LINGO2: variants seen among roughly 807,000 people sequenced by gnomAD.
LINGO2 encodes leucine-rich repeat and immunoglobulin-like domain-containing nogo receptor-interacting protein 2.
Under a neutral mutation model 30.6 loss-of-function variants are expected in LINGO2, and 14 were observed. The ratio of observed to expected loss-of-function variants is 0.46; its 90% confidence interval spans 0.30 to 0.72. The LOEUF (loss-of-function observed/expected upper bound fraction) is 0.72. Among genes scored for constraint, LINGO2 ranks in the 30% least tolerant of loss-of-function variants. The probability of loss-of-function intolerance (pLI) is 0.07; values close to 1 mark genes in which losing one functional copy is unlikely to be tolerated. For synonymous variants in LINGO2, 317 were observed against 288.5 expected (o/e 1.10, Z -1.00); for missense variants, 729 against 751.7 (o/e 0.97, Z 0.35).
At chr9:28,198,601 G>C (rs1363782429) in intron 4 of LINGO2, among the ~76,000 whole-genome samples, 1 of 152,022 alleles carries the variant, frequency 6.6e-6, no homozygotes, top group East Asian at 1.9e-4. Flanking sequence ...AGTGTCTTGA[G>C]GAACTTCCAG....
chr9:28,648,718 T>G (rs940496279), intron 1 of LINGO2, among the ~76,000 whole-genome samples: 1 of 152,120 alleles, frequency 6.6e-6, no homozygotes, highest in Admixed American at 6.6e-5. Context: ...CTTAGTCTAA[T>G]GCTATCTACT....
the LINGO2 span, among the ~76,000 whole-genome samples, chr9:28,747,196 A>T: frequency 6.6e-6 from 1 of 152,028 alleles, no homozygotes; most frequent in Non-Finnish European, 1.5e-5. Context: ...GAAGAACAGC[A>T]GAACAGCACT....
the LINGO2 span, among the ~76,000 whole-genome samples, chr9:29,165,273 T>A: frequency 1.3e-5 from 2 of 152,124 alleles, no homozygotes; most frequent in African/African-American, 4.8e-5. Context: ...AAATACACAT[T>A]TATTGAGTAA....
At chr9:29,033,378 C>CCATATATATA in the LINGO2 span, among the ~76,000 whole-genome samples, 11 of 140,826 alleles carry the variant, frequency 7.8e-5, no homozygotes. Context: ...AACTGCTTTA[C>CCATATATATA]TATATATATA....
rs550614556 is a variant in LINGO2 at position 28,490,019 on chromosome 9, T to C, written c.-364-13994A>G. Among the ~76,000 whole-genome samples the C allele has an allele frequency of 8.6e-5, 13 of 151,074 alleles. No homozygotes were observed. The East Asian group carries it at 1.6e-3, about 18-fold the overall frequency. On this transcript the variant is annotated intron_variant, in intron 1 of 5. Coordinates refer to ENST00000379992, the Ensembl canonical transcript of LINGO2. The stretch of plus-strand genomic sequence containing the variant: ...ATTTATATAATCTTTTATAAGATAA[T>C]GAATGAAAATAAAATCAAAGAGCAA...
At chr9:28,780,643 C>A in the LINGO2 span, among the ~76,000 whole-genome samples, 1 of 152,074 alleles carries the variant, frequency 6.6e-6, no homozygotes, top group Non-Finnish European at 1.5e-5. Flanking sequence ...AGGTGAACAG[C>A]TTCAGATTTC....
intron 1 of LINGO2, among the ~76,000 whole-genome samples, chr9:28,503,907 A>C (rs568432746): frequency 6.6e-6 from 1 of 152,036 alleles, no homozygotes; most frequent in East Asian, 1.9e-4. Flanking sequence ...ACCAATAAAT[A>C]AGATATTAGG....
chr9:28,166,931 G>C (rs1828444047), intron 4 of LINGO2, among the ~76,000 whole-genome samples: 1 of 152,082 alleles, frequency 6.6e-6, no homozygotes, highest in Non-Finnish European at 1.5e-5. Flanking sequence ...GAATGCCACA[G>C]ACAGTCAATG....
chr9:27,972,242 A>T (rs1820390991), intron 5 of LINGO2, among the ~76,000 whole-genome samples: 1 of 152,234 alleles, frequency 6.6e-6, no homozygotes, highest in African/African-American at 2.4e-5. Flanking sequence ...CTGATTTTTC[A>T]GTACTTTTCT....
At chr9:29,132,814 A>C in the LINGO2 span, among the ~76,000 whole-genome samples, 2 of 152,180 alleles carry the variant, frequency 1.3e-5, no homozygotes, top group African/African-American at 4.8e-5. Flanking sequence ...AATGCCCTAC[A>C]CATAGAATTT....
chr9:29,164,885 C>G, the LINGO2 span, among the ~76,000 whole-genome samples: 2 of 152,022 alleles, frequency 1.3e-5, no homozygotes, highest in Non-Finnish European at 2.9e-5. Flanking sequence ...GATCTATTAA[C>G]TATATAATAG....
chr9:29,132,895 GT>G, the LINGO2 span, among the ~76,000 whole-genome samples: 3 of 149,912 alleles, frequency 2.0e-5, no homozygotes, highest in Non-Finnish European at 4.4e-5. Context: ...TTTTTTTACT[GT>G]TTTTTTAAGA....
At chr9:28,929,991 T>C in the LINGO2 span, among the ~76,000 whole-genome samples, 5 of 152,276 alleles carry the variant, frequency 3.3e-5, no homozygotes, top group East Asian at 9.7e-4. Flanking sequence ...CCAGACCTGC[T>C]CCAGTGTCCT....
intron 4 of LINGO2, among the ~76,000 whole-genome samples, chr9:28,182,536 A>G (rs757410808): frequency 3.0e-4 from 45 of 152,214 alleles, no homozygotes; most frequent in Non-Finnish European, 5.7e-4. Flanking sequence ...CAACCTACAG[A>G]ATGGGAGAAT....
chr9:29,080,815 G>C, the LINGO2 span, among the ~76,000 whole-genome samples: 3 of 152,162 alleles, frequency 2.0e-5, no homozygotes, highest in African/African-American at 7.2e-5. Context: ...GAGACAGTTT[G>C]TTATAATTTC....
intron 1 of LINGO2, among the ~76,000 whole-genome samples, chr9:28,623,082 T>C (rs957282444): frequency 6.6e-6 from 1 of 152,134 alleles, no homozygotes; most frequent in Non-Finnish European, 1.5e-5. Flanking sequence ...TTGTATATTC[T>C]GGTTATTAAT....
chr9:28,914,412 A>G, the LINGO2 span, among the ~76,000 whole-genome samples: 2 of 152,224 alleles, frequency 1.3e-5, no homozygotes, highest in East Asian at 3.9e-4. Flanking sequence ...TATCAAACCT[A>G]TATCAAGAAG....
the LINGO2 span, among the ~76,000 whole-genome samples, chr9:28,828,688 T>A: frequency 6.6e-6 from 1 of 152,100 alleles, no homozygotes; most frequent in East Asian, 1.9e-4. Context: ...ATACAACTCT[T>A]AGCAGAATAT....
chr9:27,968,029 G>A (rs1587565455), intron 5 of LINGO2, among the ~76,000 whole-genome samples: 1 of 152,182 alleles, frequency 6.6e-6, no homozygotes, highest in East Asian at 1.9e-4. Flanking sequence ...CTTACTGCTT[G>A]AGTTCTGTCC....
Sources: allele counts gnomAD v4.1 joint callset (sites outside exome capture counted in the v4.1 genomes callset), GRCh38; gene constraint gnomAD v4.1.1; transcripts MANE v1.5; gene names NCBI Gene and HGNC (gene_info 2026-07-23, HGNC 2026-07-21).